The following SYCP1 variants were observed in gnomAD, a reference collection of about 807,000 sequenced individuals.
SYCP1 encodes synaptonemal complex protein 1, also known as cancer/testis antigen 8.
In SYCP1, 64 loss-of-function variants were observed where a neutral mutation model predicts 153.1. That is an observed-to-expected ratio of 0.42 (90% CI 0.34 to 0.51). The LOEUF is 0.51. Ranked by LOEUF, SYCP1 falls within the 20% of genes least tolerant of loss-of-function variation. The pLI is 0.06. For missense variants in SYCP1, 997 were observed against 1,049.0 expected (o/e 0.95, Z 0.68); for synonymous variants, 384 against 341.8 (o/e 1.12, Z -1.36).
At chr1:114,871,937 A>C (rs148728955) in intron 8 of SYCP1, among the ~76,000 whole-genome samples, 1 of 151,862 alleles carries the variant, frequency 6.6e-6, no homozygotes, top group East Asian at 1.9e-4. Flanking sequence ...TCAATTAAGA[A>C]TGAGAAAAAT....
intron 20 of SYCP1, among the ~76,000 whole-genome samples, chr1:114,914,416 T>A (rs1227299221): frequency 1.3e-5 from 2 of 151,908 alleles, no homozygotes; most frequent in Non-Finnish European, 2.9e-5. Flanking sequence ...TTTTTTTTTT[T>A]ACATTTTAAA....
chr1:114,992,487 C>A (rs1673991321), intron 30 of SYCP1, among the ~76,000 whole-genome samples: 1 of 151,506 alleles, frequency 6.6e-6, no homozygotes, highest in African/African-American at 2.4e-5. Flanking sequence ...TAGAGATAAA[C>A]CCTCACATAC....
intron 8 of SYCP1, among the ~76,000 whole-genome samples, chr1:114,867,089 C>CT (rs1232366747): frequency 6.6e-6 from 1 of 152,088 alleles, no homozygotes; most frequent in East Asian, 1.9e-4. Flanking sequence ...TCTGGACTCT[C>CT]TATTTTGTTC....
intron 20 of SYCP1, among the ~76,000 whole-genome samples, chr1:114,923,180 T>C (rs1669011214): frequency 6.6e-6 from 1 of 152,228 alleles, no homozygotes; most frequent in Non-Finnish European, 1.5e-5. Context: ...ATTTATGATA[T>C]AGTGTTTGAT....
chr1:114,972,552 A>T (rs1672562825), intron 27 of SYCP1, among the ~76,000 whole-genome samples: 1 of 152,080 alleles, frequency 6.6e-6, no homozygotes, highest in Non-Finnish European at 1.5e-5. Context: ...AGCTATATAC[A>T]TCCCTCTTAG....
At position 114,934,217 on chromosome 1, in the gene SYCP1, GAA is replaced by G. The variant is rs560501759; in HGVS notation, c.1926+7656_1926+7657del. ...ATCAGACTAACAGCGGATCTCTGGA[GAA>G]ACTCTACAAGCCAGAAGAGAGTGGG... On this transcript the variant is annotated intron_variant, in intron 23 of 31. Transcript: ENST00000369522. 2.8e-3 allele frequency among the ~76,000 whole-genome samples: 433 copies of G among 152,090 alleles called. 1 individual carries two copies. Among genetic ancestry groups the G allele is most frequent in the Non-Finnish European group, 4.7e-3 (322 of 67,898 alleles).
intron 24 of SYCP1, 131 bp downstream of exon 24, chr1:114,944,586 A>C: frequency 3.1e-6 from 2 of 636,452 alleles, no homozygotes; most frequent in Non-Finnish European, 5.4e-6. Context: ...AAATTTATAT[A>C]AGGGTCAGTT....
chr1:114,949,895 A>G (rs1393337359), intron 27 of SYCP1, among the ~76,000 whole-genome samples: 1 of 152,176 alleles, frequency 6.6e-6, no homozygotes, highest in African/African-American at 2.4e-5. Flanking sequence ...CTCCATTTAC[A>G]TCGTATTGTG....
chr1:114,888,039 T>C (rs1429038390), intron 15 of SYCP1, among the ~76,000 whole-genome samples: 3 of 152,156 alleles, frequency 2.0e-5, no homozygotes, highest in Non-Finnish European at 2.9e-5. Flanking sequence ...TATTGTTTAA[T>C]TGAATTTTGA....
chr1:114,859,704 T>C, intron 6 of SYCP1, 39 bp from the exon 7 acceptor site: 1 of 983,334 alleles, frequency 1.0e-6, no homozygotes, highest in Non-Finnish European at 1.3e-6. Context: ...TTTTTGCTAA[T>C]AAGCAAAATG....
chr1:114,905,354 T>G (rs1667743453), intron 16 of SYCP1, among the ~76,000 whole-genome samples: 1 of 152,288 alleles, frequency 6.6e-6, no homozygotes, highest in South Asian at 2.1e-4. Context: ...TCTCAAGTAG[T>G]GGTAAGACAA....
At chr1:114,881,056 TACACACACAC>T (rs67335338) in intron 12 of SYCP1, among the ~76,000 whole-genome samples, 6 of 144,938 alleles carry the variant, frequency 4.1e-5, no homozygotes, top group Admixed American at 6.8e-5. Flanking sequence ...TTTGTGTATA[TACACACACAC>T]ACACACACAC....
At position 114,907,265 on chromosome 1, in the gene SYCP1, G is replaced by A. The variant is rs73000555; in HGVS notation, c.1321-3132G>A. Among the ~76,000 whole-genome samples, 1,009 of 152,124 alleles carry A rather than the reference G, an allele frequency of 6.6e-3. 7 individuals carry two copies. Among genetic ancestry groups the A allele is most frequent in the African/African-American group, 0.023 (950 of 41,506 alleles). ...TGGGTCTTCTTTCTTTATGCACTCC[G>A]ACAATCACTGCTAATTGGAGAATTT... On this transcript the variant is annotated intron_variant, in intron 16 of 31. Coordinates refer to ENST00000369522, the MANE Select transcript of SYCP1 (RefSeq NM_003176.4).
intron 15 of SYCP1, among the ~76,000 whole-genome samples, chr1:114,894,708 T>A (rs1666944279): frequency 6.6e-6 from 1 of 152,134 alleles, no homozygotes; most frequent in Non-Finnish European, 1.5e-5. Context: ...AAGTTAATAG[T>A]ATCAAATAGT....
chr1:114,869,685 C>T (rs1314658822), intron 8 of SYCP1, among the ~76,000 whole-genome samples: 1 of 152,146 alleles, frequency 6.6e-6, no homozygotes, highest in Non-Finnish European at 1.5e-5. Context: ...TTTGGATTTT[C>T]AGATTGGGGA....
chr1:114,910,772 T>A (rs1668123497), intron 17 of SYCP1, among the ~76,000 whole-genome samples: 1 of 152,156 alleles, frequency 6.6e-6, no homozygotes, highest in Admixed American at 6.6e-5. Flanking sequence ...TGAGTATTTT[T>A]TCTTTTGAGA....
intron 27 of SYCP1, among the ~76,000 whole-genome samples, chr1:114,960,879 AG>A (rs1483053839): frequency 6.6e-6 from 1 of 152,124 alleles, no homozygotes; most frequent in Admixed American, 6.5e-5. Context: ...AGAATGATTT[AG>A]GGGGGATTTT....
At chr1:114,957,171 C>T (rs1292809996) in intron 27 of SYCP1, among the ~76,000 whole-genome samples, 1 of 152,108 alleles carries the variant, frequency 6.6e-6, no homozygotes, top group Non-Finnish European at 1.5e-5. Context: ...TTCAAGAGAT[C>T]CTGTGGTCTC....
chr1:114,876,101 G>T lies in SYCP1; in HGVS notation c.690G>T (p.Val230=). The change falls in exon 10 of 32, where the codon GTG becomes GTT. Residue 230 remains valine, a synonymous_variant. Coordinates refer to ENST00000369522, the MANE Select transcript of SYCP1 (RefSeq NM_003176.4). ...TAACAGCTTTTGAGGAACTTCGTGTGCAAGCTGAGAATTCCAGACTGGAAA... is the reference window on the plus strand; with the variant it reads ...TAACAGCTTTTGAGGAACTTCGTGTTCAAGCTGAGAATTCCAGACTGGAAA... The part of the protein sequence containing the change: ...KMITAFEELR[V]QAENSRLEMH... 3 of 1,584,252 alleles carry T rather than the reference G, an allele frequency of 1.9e-6. No individual in the cohort carries two copies. Among genetic ancestry groups the T allele is most frequent in the Non-Finnish European group, 2.6e-6 (3 of 1,163,650 alleles).
Sources: gnomAD v4.1 joint callset for allele counts (sites outside exome capture counted in the v4.1 genomes callset) on GRCh38, gnomAD v4.1.1 for gene constraint, MANE v1.5 for transcripts, NCBI Gene and HGNC (gene_info 2026-07-23, HGNC 2026-07-21) for gene names.